Variants in FAM53A observed in about 807,000 individuals in gnomAD.
The protein encoded by FAM53A is family with sequence similarity 53 member A, also known as protein FAM53A.
FAM53A carries 28 observed loss-of-function variants against 26.6 expected under a neutral mutation model. The ratio of observed to expected loss-of-function variants is 1.05; its 90% CI spans 0.78 to 1.45. The LOEUF (loss-of-function observed/expected upper bound fraction) is 1.45, where lower values mean the gene tolerates loss of function less well. FAM53A is among the 40% of genes most tolerant of loss of function. The pLI, the probability that FAM53A is intolerant of heterozygous loss-of-function variation, is 0.00. For synonymous variants in FAM53A, 290 were observed against 253.1 expected, an observed-to-expected ratio of 1.15 and a Z score of -1.38; for missense variants, 650 against 575.8, an observed-to-expected ratio of 1.13 and a Z score of -1.32.
intron 1 of FAM53A, among the ~76,000 whole-genome samples, chr4:1,682,369 T>A (rs1715502402): frequency 6.6e-6 from 1 of 151,412 alleles, no homozygotes; most frequent in Non-Finnish European, 1.5e-5. Flanking sequence ...TTCAAATGAT[T>A]CTCCTGCCTC....
chr4:1,584,059 G>A, the FAM53A span, among the ~76,000 whole-genome samples: 1 of 152,176 alleles, frequency 6.6e-6, no homozygotes, highest in African/African-American at 2.4e-5. Context: ...ATTGATGGCT[G>A]TTTCCTGTGT....
At chr4:1,647,364 T>C (rs1712339697) in intron 4 of FAM53A, among the ~76,000 whole-genome samples, 1 of 150,086 alleles carries the variant, frequency 6.7e-6, no homozygotes, top group Non-Finnish European at 1.5e-5. Context: ...CAGAAAATCC[T>C]AAATGTTTTC....
Position 1,633,576 on chromosome 4 carries a change from G to A in FAM53A, c.432-15465C>T, listed in dbSNP as rs537206254. 9.2e-5 allele frequency among the ~76,000 whole-genome samples: 14 copies of A among 152,220 alleles called. No individual in the cohort carries two copies. The South Asian group carries it at 2.3e-3, about 25-fold the overall frequency. ...GGGAGGCAGGAGAGGCGGGAATGAA[G>A]ATAAAGGCAGAATTAATGAATTGGA... On this transcript the variant is annotated intron_variant, in intron 1 of 1. Transcript: ENST00000489029.
chr4:1,616,952 C>A (rs1189319191), downstream of FAM53A, among the ~76,000 whole-genome samples: 1 of 152,158 alleles, frequency 6.6e-6, no homozygotes, highest in African/African-American at 2.4e-5. Context: ...GCTGGGCCAA[C>A]AGGGTGAAAC....
chr4:1,642,364 G>T (rs979213383), intron 4 of FAM53A, among the ~76,000 whole-genome samples: 6 of 152,114 alleles, frequency 3.9e-5, no homozygotes, highest in Non-Finnish European at 8.8e-5. Flanking sequence ...TCCACAGCAG[G>T]TCCCTGAGTG....
intron 1 of FAM53A, among the ~76,000 whole-genome samples, chr4:1,678,970 T>G (rs1323132999): frequency 6.6e-6 from 1 of 152,024 alleles, no homozygotes; most frequent in African/African-American, 2.4e-5. Flanking sequence ...TGGCGATGAC[T>G]TCTGAGATAC....
chr4:1,624,657 C>G (rs970779272), intron 1 of FAM53A, among the ~76,000 whole-genome samples: 1 of 152,220 alleles, frequency 6.6e-6, no homozygotes, highest in African/African-American at 2.4e-5. Flanking sequence ...CAGGCCAGCC[C>G]GCCTCCCCGC....
At chr4:1,652,714 CCACA>C (rs1422332420) in intron 4 of FAM53A, among the ~76,000 whole-genome samples, 2 of 148,556 alleles carry the variant, frequency 1.3e-5, no homozygotes, top group Admixed American at 6.7e-5. Flanking sequence ...AGAACACACA[CCACA>C]CACACTACCA....
chr4:1,586,599 C>T, the FAM53A span, among the ~76,000 whole-genome samples: 3 of 151,294 alleles, frequency 2.0e-5, no homozygotes, highest in Non-Finnish European at 4.4e-5. Flanking sequence ...CACGGTGAAA[C>T]CCTGTCTCTA....
chr4:1,640,273 C>A lies in FAM53A; in HGVS notation c.*1020G>T. 1 of 176,674 alleles carries A rather than the reference C, an allele frequency of 5.7e-6. No homozygotes were observed. The highest frequency in any genetic ancestry group is 1.2e-5 in the Non-Finnish European group (1 of 85,756). The allele number at this position is 176,674 out of a possible 1,614,324, so 10.9% of individuals were successfully genotyped here. The stretch of plus-strand genomic sequence containing the variant: ...CGGCCACAAGCTGGCGGTTCACTGG[C>A]ACGTGGGTGACAAGGTTCATGGGCA... On this transcript the variant is annotated 3_prime_UTR_variant, in exon 5 of 5. Transcript: ENST00000308132.
intron 1 of FAM53A, among the ~76,000 whole-genome samples, chr4:1,672,323 C>G (rs77382227): frequency 7.7e-5 from 6 of 77,596 alleles, no homozygotes; most frequent in Admixed American, 1.2e-4. Flanking sequence ...CATGGACCCA[C>G]AAACCCAGGA....
chr4:1,605,561 A>T, the FAM53A span, among the ~76,000 whole-genome samples: 1 of 152,118 alleles, frequency 6.6e-6, no homozygotes, highest in African/African-American at 2.4e-5. The surrounding 1 kb of genome is among the most constrained non-coding windows in gnomAD (Gnocchi z 5.7). Flanking sequence ...GTTCTGCCAC[A>T]GCCGCCCTCC....
rs1385101054 is a variant in FAM53A at position 1,671,032 on chromosome 4, G to A, written c.-164-2127C>T. On this transcript the variant is annotated intron_variant, in intron 1 of 4. Coordinates refer to ENST00000308132, the MANE Select transcript of FAM53A (RefSeq NM_001174070.3). ...AGCCAACAGCTCACAGCCACGGCCCGGACTCACCTCTGTCCCAGCGTCAGA... is the reference window on the plus strand; with the variant it reads ...AGCCAACAGCTCACAGCCACGGCCCAGACTCACCTCTGTCCCAGCGTCAGA... 7.0e-5 allele frequency among the ~76,000 whole-genome samples: 10 copies of A among 142,150 alleles called. No homozygotes were observed. The East Asian group carries it at 1.5e-3, about 21-fold the overall frequency. 93.3% of individuals were successfully genotyped at this position (142,150 alleles called of 152,430 possible).
In FAM53A at chr4:1,639,958, C is replaced by T. The variant is rs1711533388; in HGVS notation, c.*1335G>A. The T allele has an allele frequency of 6.6e-6, 1 of 152,254 alleles. No homozygotes were observed. The highest frequency in any genetic ancestry group is 1.5e-5 in the Non-Finnish European group (1 of 68,036). The allele number at this position is 152,254 out of a possible 1,614,324, so 9.4% of individuals were successfully genotyped here. On this transcript the variant is annotated 3_prime_UTR_variant, in exon 5 of 5. Coordinates refer to ENST00000308132, the MANE Select transcript of FAM53A (RefSeq NM_001174070.3). Reference sequence around the variant, plus strand: ...AGTGCAAGAATGAAAAACAGGAAATCCCTTGCCTTGTCTGGTTCTGAGCCA... The same window carrying T: ...AGTGCAAGAATGAAAAACAGGAAATTCCTTGCCTTGTCTGGTTCTGAGCCA...
At chr4:1,623,892 C>A (rs980609725) in intron 1 of FAM53A, among the ~76,000 whole-genome samples, 8 of 152,126 alleles carry the variant, frequency 5.3e-5, no homozygotes, top group African/African-American at 1.9e-4. Flanking sequence ...CTCTGGCGGG[C>A]GGGGAGAAGT....
the FAM53A span, among the ~76,000 whole-genome samples, chr4:1,594,704 T>G: frequency 6.6e-6 from 1 of 151,976 alleles, no homozygotes; most frequent in Non-Finnish European, 1.5e-5. Flanking sequence ...TAGCCGGGTG[T>G]GGTGGCTCCA....
chr4:1,656,171 T>C (rs1339177019), intron 3 of FAM53A, among the ~76,000 whole-genome samples: 3 of 152,114 alleles, frequency 2.0e-5, no homozygotes, highest in Non-Finnish European at 4.4e-5. Context: ...CAACACAGGG[T>C]CACACCTGCT....
intron 1 of FAM53A, among the ~76,000 whole-genome samples, chr4:1,634,056 T>A (rs1266726914): frequency 1.3e-5 from 2 of 152,082 alleles, no homozygotes; most frequent in East Asian, 3.9e-4. Context: ...AGGGGCTCTC[T>A]GGCAGTGAGT....
chr4:1,611,619 G>A, the FAM53A span, among the ~76,000 whole-genome samples: 15 of 152,252 alleles, frequency 9.9e-5, no homozygotes, highest in Admixed American at 5.9e-4. Flanking sequence ...GGGCAGCACC[G>A]TGCCAGGCTG....
Sources: allele counts gnomAD v4.1 joint callset (sites outside exome capture counted in the v4.1 genomes callset), GRCh38; gene constraint gnomAD v4.1.1; non-coding constraint Gnocchi (gnomAD v3.1); transcripts MANE v1.5; gene names NCBI Gene and HGNC (gene_info 2026-07-23, HGNC 2026-07-21).